The following REV3L variants were observed in gnomAD, a reference collection of about 807,000 sequenced individuals.
The protein encoded by REV3L is REV3 like, DNA directed polymerase zeta catalytic subunit, also known as DNA polymerase zeta catalytic subunit.
Under a neutral mutation model 299.4 loss-of-function variants are expected in REV3L, and 69 were observed. The observed-to-expected ratio is 0.23, with a 90% confidence interval of 0.19 to 0.28. REV3L has a LOEUF of 0.28. Ranked by LOEUF, REV3L falls within the 10% of genes least tolerant of loss-of-function variation. The pLI, the probability that REV3L is intolerant of heterozygous loss-of-function variation, is 1.00. For missense variants in REV3L, 3,128 were observed against 3,693.8 expected (o/e 0.85, Z 3.97); for synonymous variants, 1,238 against 1,271.4 (o/e 0.97, Z 0.56).
At chr6:111,352,805 C>T (rs1045705579) in intron 18 of REV3L, among the ~76,000 whole-genome samples, 5 of 152,076 alleles carry the variant, frequency 3.3e-5, no homozygotes, top group African/African-American at 7.2e-5. Context: ...AAAACTGAAC[C>T]GACCACCTGC....
intron 11 of REV3L, 66 bp from the exon 12 acceptor site, chr6:111,377,909 T>A (rs1780472487): frequency 7.7e-7 from 1 of 1,301,346 alleles, no homozygotes; most frequent in South Asian, 1.5e-5. Context: ...ATGCAAATAA[T>A]GCATCTAAGT....
Position 111,299,895 on chromosome 6 carries a change from A to G in REV3L, c.*121T>C. The G allele has an allele frequency of 6.5e-6, 6 of 929,168 alleles. No individual in the cohort carries two copies. The highest frequency in any genetic ancestry group is 9.5e-6 in the Non-Finnish European group (6 of 628,658). 57.6% of individuals were successfully genotyped at this position (929,168 alleles called of 1,614,324 possible). On this transcript the variant is annotated 3_prime_UTR_variant, in exon 32 of 32. Transcript: ENST00000368802. ...ATTCGGTTAGCATAGAAGTCTTCAT[A>G]GTCTTCAGATAACAGACAGTGAACA...
Position 111,373,046 on chromosome 6 carries a change from C to T in REV3L, c.5309G>A (p.Cys1770Tyr). 6.2e-7 allele frequency: 1 copy of T among 1,614,140 alleles called. No individual in the cohort carries two copies. Among genetic ancestry groups the T allele is most frequent in the South Asian group, 1.1e-5 (1 of 91,080 alleles). The change falls in exon 13 of 32, where the codon TGT becomes TAT. Residue 1770 changes from cysteine to tyrosine, a missense_variant. Cys to Tyr is a radical substitution (Grantham distance 194, BLOSUM62 -2). This residue lies in a region of REV3L where 2,409 missense variants were observed against 2,611.8 expected (regional missense o/e 0.92). Coordinates refer to ENST00000368802, the MANE Select transcript of REV3L (RefSeq NM_001372078.1). Reference sequence around the variant, plus strand: ...ATTCAATCTAGATTTTTCACTTAGACAGTCTTCTGCCTGCTGAACACAGAA... The same window carrying T: ...ATTCAATCTAGATTTTTCACTTAGATAGTCTTCTGCCTGCTGAACACAGAA... Reference protein sequence around the residue: ...DSFCVQQAEDCLSEKSRLNRS... With the variant: ...DSFCVQQAEDYLSEKSRLNRS...
rs750443594 is a variant in REV3L at position 111,390,092 on chromosome 6, T to C, written c.751A>G (p.Ile251Val). ...VAADILNRLD[I>V]EAQIGGNPGL... Reference sequence around the variant, plus strand: ...AGAATAATTGTGTATGAACCTTCAATGTCCAGACGATTTAAGATATCAGCA... The same window carrying C: ...AGAATAATTGTGTATGAACCTTCAACGTCCAGACGATTTAAGATATCAGCA... The change falls in exon 6 of 32, where the codon ATT becomes GTT. Residue 251 changes from isoleucine to valine, a missense_variant. By Grantham distance (29) the Ile-to-Val change is conservative. Around this residue, in one of 9 missense-constraint regions of REV3L, gnomAD observed 2,409 missense variants for 2,611.8 expected, o/e 0.92. Coordinates refer to ENST00000368802, the MANE Select transcript of REV3L (RefSeq NM_001372078.1). 8 of 1,597,654 alleles carry C rather than the reference T, an allele frequency of 5.0e-6. No individual in the cohort carries two copies. In the Admixed American group the frequency reaches 6.7e-5, roughly 13 times the overall value.
chr6:111,322,678 C>G lies in REV3L; in HGVS notation c.8242G>C (p.Val2748Leu). 6.2e-7 allele frequency: 1 copy of G among 1,611,960 alleles called. No individual in the cohort carries two copies. The highest frequency in any genetic ancestry group is 8.5e-7 in the Non-Finnish European group (1 of 1,178,074). Residue 2748 changes from valine to leucine, a missense_variant and splice_region_variant, in exon 26 of 32, where the codon GTT becomes CTT. Physicochemically the swap from Val to Leu is conservative, Grantham distance 32. This residue lies in a region of REV3L where 37 missense variants were observed against 100.1 expected (regional missense o/e 0.37). Transcript: ENST00000368802. The stretch of plus-strand genomic sequence containing the variant: ...GCTTTGTGAACAATACTATCGCCAA[C>G]CTGTTGGTACAAACACATTGGAAAT... ...NFSGRMPCIE[V>L]GDSIVHKARE...
chr6:111,422,679 C>CATATATATATATATACGT (rs1562288175), intron 1 of REV3L, among the ~76,000 whole-genome samples: 1 of 24,948 alleles, frequency 4.0e-5, no homozygotes, highest in Non-Finnish European at 8.3e-5. Flanking sequence ...TATATATATA[C>CATATATATATATATACGT]GTATATATAT....
intron 1 of REV3L, among the ~76,000 whole-genome samples, chr6:111,463,483 TAAGTA>T (rs1380928143): frequency 4.6e-5 from 7 of 152,242 alleles, no homozygotes; most frequent in Non-Finnish European, 8.8e-5. Flanking sequence ...AAAGTGCTGT[TAAGTA>T]AATATGGTGC....
intron 27 of REV3L, among the ~76,000 whole-genome samples, 159 bp downstream of exon 27, chr6:111,315,108 C>G (rs1392996728): frequency 2.6e-5 from 4 of 152,002 alleles, no homozygotes; most frequent in Admixed American, 1.3e-4. Context: ...CTTTGGCCTC[C>G]CGAAGTGCCA....
chr6:111,333,505 G>C (rs1250859237), intron 22 of REV3L, 138 bp from the exon 23 acceptor site: 1 of 1,112,994 alleles, frequency 9.0e-7, no homozygotes, highest in South Asian at 1.7e-5. Context: ...ACAGTGTTTC[G>C]CTCTTGTTGC....
At position 111,373,512 on chromosome 6, in the gene REV3L, A is replaced by T; in HGVS notation, c.4843T>A (p.Ser1615Thr). The change falls in exon 13 of 32, where the codon TCT (serine) becomes ACT (threonine). Residue 1615 changes from serine (S) to threonine (T), a missense_variant. By Grantham distance (58) the Ser-to-Thr change is moderately conservative (BLOSUM62 1). Around this residue, in one of 9 missense-constraint regions of REV3L, gnomAD observed 2,409 missense variants for 2,611.8 expected, o/e 0.92. Transcript: ENST00000368802. Reference sequence around the variant, plus strand: ...AAGATGGGACTATCATCTGATACAGAGTTATCCAACTGGCTAGAGTTTTGT... The same window carrying T: ...AAGATGGGACTATCATCTGATACAGTGTTATCCAACTGGCTAGAGTTTTGT... ...NLQNSSQLDN[S>T]VSDDSPIFFS... is the part of the protein sequence containing the mutation. The T allele has an allele frequency of 6.2e-7, 1 of 1,613,446 alleles. No homozygotes were observed. The highest frequency in any genetic ancestry group is 8.5e-7 in the Non-Finnish European group (1 of 1,179,838).
intron 25 of REV3L, among the ~76,000 whole-genome samples, chr6:111,326,593 T>C (rs1183619861): frequency 7.0e-6 from 1 of 143,230 alleles, no homozygotes; most frequent in Non-Finnish European, 1.6e-5. Context: ...GATATCCCAC[T>C]GCTGGGTATA....
intron 1 of REV3L, among the ~76,000 whole-genome samples, chr6:111,469,108 G>C (rs1791870130): frequency 6.6e-6 from 1 of 152,146 alleles, no homozygotes; most frequent in Non-Finnish European, 1.5e-5. Flanking sequence ...GTGGCAGTGA[G>C]CCAAGATCAC....
rs1306963104 is a variant in REV3L at position 111,367,407 on chromosome 6, A to G, written c.6381T>C (p.Pro2127=). ...AATCTGGGGATATTGGTTGTTGCCA[A>G]GGGGGAATTACTGGAGAATCAGGGG... ...YSSPDSPVIP[P]WQQPISPDSK... is the part of the protein sequence containing the mutation. Residue 2127 remains proline (P), a synonymous_variant, in exon 14 of 32, where the codon CCT becomes CCC. Transcript: ENST00000368802. The G allele has an allele frequency of 6.2e-7, 1 of 1,611,310 alleles. No individual in the cohort carries two copies. The highest frequency in any genetic ancestry group is 1.3e-5 in the African/African-American group (1 of 74,788).
chr6:111,313,180 A>G (rs1382398043), intron 28 of REV3L, 172 bp downstream of exon 28: 3 of 541,498 alleles, frequency 5.5e-6, no homozygotes, highest in Non-Finnish European at 5.9e-6. Context: ...CAAAAACAAA[A>G]TAAGACACTA....
At chr6:111,402,316 C>T (rs1245887322) in intron 4 of REV3L, among the ~76,000 whole-genome samples, 1 of 152,014 alleles carries the variant, frequency 6.6e-6, no homozygotes, top group South Asian at 2.1e-4. Context: ...TCTGTGCTCA[C>T]CTTAAGAGAA....
In REV3L at chr6:111,373,674, T is replaced by C; in HGVS notation, c.4681A>G (p.Ile1561Val). Residue 1561 changes from isoleucine to valine, a missense_variant, in exon 13 of 32, where the codon ATT becomes GTT. This residue lies in a region of REV3L where 2,409 missense variants were observed against 2,611.8 expected (regional missense o/e 0.92). Transcript: ENST00000368802. Reference protein sequence around the residue: ...LSNKHQPNKNISGSLEHNKAN... With the variant: ...LSNKHQPNKNVSGSLEHNKAN... ...TTGTTATGCTCAAGGGAACCAGAAA[T>C]ATTTTTATTTGGTTGATGTTTATTG... 1.2e-6 allele frequency: 2 copies of C among 1,614,036 alleles called. No individual in the cohort carries two copies. The highest frequency in any genetic ancestry group is 2.2e-5 in the South Asian group (2 of 91,054).
intron 25 of REV3L, among the ~76,000 whole-genome samples, chr6:111,326,064 C>CT (rs1323292042): frequency 1.8e-4 from 28 of 152,140 alleles, no homozygotes; most frequent in African/African-American, 6.7e-4. Flanking sequence ...GCATAATGTC[C>CT]TTCAGTTCCA....
At chr6:111,408,315 T>C (rs1562265604) in intron 3 of REV3L, among the ~76,000 whole-genome samples, 1 of 152,108 alleles carries the variant, frequency 6.6e-6, no homozygotes, top group African/African-American at 2.4e-5. Context: ...TAAAATGTTA[T>C]TGAGGGGCTG....
At chr6:111,383,617 A>G (rs1312821983) in intron 9 of REV3L, among the ~76,000 whole-genome samples, 2 of 152,176 alleles carry the variant, frequency 1.3e-5, no homozygotes, top group Non-Finnish European at 2.9e-5. Context: ...AGTACACCAA[A>G]AAATGGAAAA....
Sources: allele counts gnomAD v4.1 joint callset (sites outside exome capture counted in the v4.1 genomes callset), GRCh38; gene constraint gnomAD v4.1.1; regional missense constraint gnomAD v4.1.1; transcripts MANE v1.5; gene names NCBI Gene and HGNC (gene_info 2026-07-23, HGNC 2026-07-21).